LMNTD1: variants seen among roughly 807,000 people sequenced by gnomAD.
LMNTD1 encodes the protein lamin tail domain containing 1, also known as lamin tail domain-containing protein 1.
In LMNTD1, 35 loss-of-function variants were observed where a neutral mutation model predicts 50.9. That is an observed-to-expected ratio of 0.69 (90% CI 0.53 to 0.91). The LOEUF (loss-of-function observed/expected upper bound fraction) is 0.91. Ranked by LOEUF, LMNTD1 falls within the 40% of genes least tolerant of loss-of-function variation. The pLI is 0.00. For synonymous variants in LMNTD1, 153 were observed against 161.9 expected (o/e 0.94, Z 0.42); for missense variants, 470 against 475.5 (o/e 0.99, Z 0.11).
intron 9 of LMNTD1, among the ~76,000 whole-genome samples, chr12:25,498,413 G>A (rs76742246): frequency 0.022 from 3,415 of 152,228 alleles, 63 homozygotes; most frequent in Middle Eastern, 0.058. Context: ...TGGTTACTCC[G>A]TAGAAATTTA....
chr12:25,647,115 A>G (rs829036), intron 1 of LMNTD1, among the ~76,000 whole-genome samples: 150,374 of 152,346 alleles, frequency 0.99, 74,247 homozygotes, highest in Middle Eastern at 1. Flanking sequence ...GGTTTTTGAT[A>G]CCTTTATATC....
At chr12:25,526,590 T>C (rs1941729461) in intron 5 of LMNTD1, among the ~76,000 whole-genome samples, 179 bp downstream of exon 5, 1 of 152,132 alleles carries the variant, frequency 6.6e-6, no homozygotes, top group African/African-American at 2.4e-5. Flanking sequence ...TAACTGTGGG[T>C]ATTAATTAAC....
At chr12:25,519,486 G>A (rs912918520) in intron 7 of LMNTD1, among the ~76,000 whole-genome samples, 3 of 151,250 alleles carry the variant, frequency 2.0e-5, no homozygotes, top group African/African-American at 7.3e-5. Context: ...TACTCATGAG[G>A]CTAAGGCAGC....
chr12:25,622,463 G>GCTGTC (rs1555124240), intron 1 of LMNTD1, among the ~76,000 whole-genome samples: 1 of 111,154 alleles, frequency 9.0e-6, no homozygotes, highest in African/African-American at 3.0e-5. Flanking sequence ...GAGTTTGTGA[G>GCTGTC]CCCGCCCCCC....
At chr12:25,629,880 C>T (rs1227750844) in intron 1 of LMNTD1, among the ~76,000 whole-genome samples, 2 of 152,020 alleles carry the variant, frequency 1.3e-5, no homozygotes, top group East Asian at 1.9e-4. Context: ...ACAAAACTCA[C>T]CCCAAAGAGA....
At chr12:25,520,128 T>A in intron 6 of LMNTD1, 53 bp from the exon 7 acceptor site, 1 of 612,086 alleles carries the variant, frequency 1.6e-6, no homozygotes, top group Non-Finnish European at 2.8e-6. Flanking sequence ...GTTTACAACA[T>A]GCTGTTATGA....
intron 1 of LMNTD1, among the ~76,000 whole-genome samples, chr12:25,622,691 A>G (rs1287495080): frequency 6.6e-6 from 1 of 152,146 alleles, no homozygotes; most frequent in East Asian, 1.9e-4. Flanking sequence ...CAGCAAATGT[A>G]TAGTGTCCAA....
chr12:25,599,930 C>T (rs1672345371), intron 1 of LMNTD1, among the ~76,000 whole-genome samples: 1 of 151,854 alleles, frequency 6.6e-6, no homozygotes, highest in Non-Finnish European at 1.5e-5. Context: ...ACATTCTACA[C>T]AGAAATAGAA....
intron 8 of LMNTD1, among the ~76,000 whole-genome samples, chr12:25,514,462 G>C (rs1591864062): frequency 6.6e-6 from 1 of 151,964 alleles, no homozygotes; most frequent in African/African-American, 2.4e-5. Flanking sequence ...TAAAACAATT[G>C]AACTCATGGA....
At chr12:25,529,228 C>T (rs1381717970) in intron 4 of LMNTD1, among the ~76,000 whole-genome samples, 3 of 152,156 alleles carry the variant, frequency 2.0e-5, no homozygotes, top group African/African-American at 7.2e-5. Flanking sequence ...AGATGTTGAT[C>T]CCTGGGATTC....
chr12:25,553,582 G>A (rs968894043), upstream of LMNTD1, among the ~76,000 whole-genome samples: 16 of 151,716 alleles, frequency 1.1e-4, no homozygotes, highest in Non-Finnish European at 1.8e-4. Flanking sequence ...CAAATACTTT[G>A]AGCACATGGA....
chr12:25,536,984 C>T (rs960341066), intron 4 of LMNTD1, among the ~76,000 whole-genome samples: 2 of 152,258 alleles, frequency 1.3e-5, no homozygotes, highest in African/African-American at 4.8e-5. Flanking sequence ...CCTGGAAAAT[C>T]GGGTCACTCC....
At chr12:25,619,694 G>T (rs756829414) in intron 1 of LMNTD1, among the ~76,000 whole-genome samples, 2 of 152,170 alleles carry the variant, frequency 1.3e-5, no homozygotes, top group Non-Finnish European at 2.9e-5. Flanking sequence ...CCAGTGCTCC[G>T]TGGGCAGGAC....
intron 4 of LMNTD1, among the ~76,000 whole-genome samples, chr12:25,535,516 CATCATA>C (rs1326314045): frequency 6.6e-6 from 1 of 152,064 alleles, no homozygotes; most frequent in Admixed American, 6.5e-5. Context: ...ACACCAGGCA[CATCATA>C]ATCAAATCTC....
At chr12:25,501,730 T>C (rs185331133) in intron 9 of LMNTD1, among the ~76,000 whole-genome samples, 2 of 152,274 alleles carry the variant, frequency 1.3e-5, no homozygotes, top group East Asian at 3.9e-4. Context: ...ATGTCCAGCA[T>C]TACAGGTTGC....
chr12:25,491,655 T>A (rs73296477), intron 9 of LMNTD1, among the ~76,000 whole-genome samples: 39,377 of 152,082 alleles, frequency 0.26, 5,266 homozygotes, highest in Middle Eastern at 0.34. Flanking sequence ...TGCTGGAGGA[T>A]TTGAGGTGGT....
chr12:25,526,549 G>T (rs1283450067), intron 5 of LMNTD1, among the ~76,000 whole-genome samples: 1 of 152,076 alleles, frequency 6.6e-6, no homozygotes, highest in Non-Finnish European at 1.5e-5. Context: ...AAAAGATATT[G>T]TACACAAAAT....
intron 1 of LMNTD1, among the ~76,000 whole-genome samples, chr12:25,572,435 T>A (rs1219243324): frequency 6.6e-6 from 1 of 152,162 alleles, no homozygotes; most frequent in African/African-American, 2.4e-5. Flanking sequence ...AGCGTCAATA[T>A]AAATTAAAAT....
chr12:25,558,315 T>G (rs1324296492), intron 1 of LMNTD1, among the ~76,000 whole-genome samples: 2 of 152,210 alleles, frequency 1.3e-5, no homozygotes, highest in African/African-American at 2.4e-5. Flanking sequence ...CTACTGATTT[T>G]GGGTTTGGTT....
Sources: gnomAD v4.1 joint callset for allele counts (sites outside exome capture counted in the v4.1 genomes callset) on GRCh38, gnomAD v4.1.1 for gene constraint, MANE v1.5 for transcripts, NCBI Gene and HGNC (gene_info 2026-07-23, HGNC 2026-07-21) for gene names.